Variants in SCAPER observed in about 807,000 individuals in gnomAD.
The protein encoded by SCAPER is S phase cyclin A-associated protein in the endoplasmic reticulum.
SCAPER carries 98 observed loss-of-function variants against 182.2 expected under a neutral mutation model. The ratio of observed to expected loss-of-function variants is 0.54; its 90% CI spans 0.46 to 0.64. The LOEUF is 0.64. Among genes scored for constraint, SCAPER ranks in the 30% least tolerant of loss-of-function variants. The pLI, the probability that SCAPER is intolerant of heterozygous loss-of-function variation, is 0.00. For synonymous variants in SCAPER, 605 were observed against 564.6 expected (o/e 1.07, Z -1.01); for missense variants, 1,432 against 1,690.0 (o/e 0.85, Z 2.68).
intron 26 of SCAPER, 34 bp from the exon 27 acceptor site, chr15:76,404,713 T>G: frequency 6.3e-7 from 1 of 1,591,442 alleles, no homozygotes; most frequent in South Asian, 1.1e-5. Context: ...GTTATCAATC[T>G]GAATAGGCCA....
chr15:76,727,910 A>T (rs1236055594), intron 17 of SCAPER, among the ~76,000 whole-genome samples: 5 of 152,042 alleles, frequency 3.3e-5, no homozygotes, highest in Admixed American at 1.3e-4. Context: ...CACTTTGCAT[A>T]AAAAAACCCT....
At chr15:76,604,045 A>C (rs1303951613) in intron 22 of SCAPER, among the ~76,000 whole-genome samples, 2 of 119,832 alleles carry the variant, frequency 1.7e-5, no homozygotes, top group African/African-American at 5.1e-5. Flanking sequence ...CCCATTTGTC[A>C]ATTTTGGCTT....
intron 21 of SCAPER, among the ~76,000 whole-genome samples, chr15:76,639,191 G>A (rs1047995907): frequency 3.9e-5 from 6 of 152,152 alleles, no homozygotes; most frequent in African/African-American, 1.4e-4. Flanking sequence ...AATTAATATG[G>A]AAGGACTGTG....
chr15:76,650,058 G>A (rs2054889633), intron 21 of SCAPER, among the ~76,000 whole-genome samples: 1 of 152,218 alleles, frequency 6.6e-6, no homozygotes, highest in Admixed American at 6.5e-5. Context: ...AAAGGCAGAG[G>A]AAAGGAAGAT....
chr15:76,505,090 A>C (rs2041460127), intron 23 of SCAPER, 116 bp from the exon 24 acceptor site: 1 of 753,496 alleles, frequency 1.3e-6, no homozygotes, highest in Non-Finnish European at 2.2e-6. Flanking sequence ...ATATTATTTT[A>C]TAAATATTTG....
intron 21 of SCAPER, among the ~76,000 whole-genome samples, chr15:76,634,316 G>A (rs1045906128): frequency 3.9e-5 from 6 of 152,034 alleles, no homozygotes; most frequent in South Asian, 4.1e-4. Flanking sequence ...CAACTGCCTC[G>A]TCAGTCCCAA....
At chr15:76,494,204 C>T (rs1426385552) in intron 24 of SCAPER, among the ~76,000 whole-genome samples, 2 of 152,188 alleles carry the variant, frequency 1.3e-5, no homozygotes, top group African/African-American at 4.8e-5. Flanking sequence ...GATAAGTTCA[C>T]TCCACATTTG....
At chr15:76,725,619 A>G (rs1160772140) in intron 17 of SCAPER, among the ~76,000 whole-genome samples, 1 of 152,176 alleles carries the variant, frequency 6.6e-6, no homozygotes, top group Non-Finnish European at 1.5e-5. Flanking sequence ...TAATCAAAAC[A>G]GTATGGACTA....
chr15:76,431,664 GAAAATGATTAGCAAAAAAAAAAAAAAA>G (rs951019922), intron 26 of SCAPER, among the ~76,000 whole-genome samples: 11 of 37,974 alleles, frequency 2.9e-4, no homozygotes, highest in African/African-American at 1.6e-3. Context: ...AGGCAAGTAT[GAAAATGATTAGCAAAAAAAAAAAAAAA>G]AAAAAAAAAA....
intron 24 of SCAPER, among the ~76,000 whole-genome samples, chr15:76,494,632 T>C (rs1373363963): frequency 6.6e-6 from 1 of 152,096 alleles, no homozygotes; most frequent in Non-Finnish European, 1.5e-5. Flanking sequence ...AACACTAACT[T>C]TGTAAGAGAT....
chr15:76,611,565 T>G (rs1011110719), intron 22 of SCAPER, among the ~76,000 whole-genome samples: 6 of 152,158 alleles, frequency 3.9e-5, no homozygotes, highest in African/African-American at 1.4e-4. Context: ...GGACTCCACC[T>G]TAACAGATCC....
At chr15:76,658,491 C>A (rs1272974180) in intron 21 of SCAPER, among the ~76,000 whole-genome samples, 2 of 152,124 alleles carry the variant, frequency 1.3e-5, no homozygotes, top group Middle Eastern at 3.4e-3. Context: ...CTGCTCAAAG[C>A]AATTTATAGA....
chr15:76,714,263 A>G (rs570939338), intron 17 of SCAPER, among the ~76,000 whole-genome samples: 1 of 152,300 alleles, frequency 6.6e-6, no homozygotes, highest in East Asian at 1.9e-4. Context: ...TAGTTTCACA[A>G]TGGTTACATA....
chr15:76,562,152 A>AAAAT (rs1360115628), intron 23 of SCAPER, among the ~76,000 whole-genome samples: 1 of 148,092 alleles, frequency 6.8e-6, no homozygotes, highest in Admixed American at 6.6e-5. Flanking sequence ...TCATCTCAAA[A>AAAAT]AAAAAAAAAA....
At chr15:76,515,088 T>A (rs1175940454) in intron 23 of SCAPER, among the ~76,000 whole-genome samples, 2 of 152,200 alleles carry the variant, frequency 1.3e-5, no homozygotes, top group African/African-American at 2.4e-5. Flanking sequence ...AGTAAAATTA[T>A]AAGCTACAGT....
At chr15:76,763,225 A>C (rs1282718245) in intron 14 of SCAPER, among the ~76,000 whole-genome samples, 2 of 151,848 alleles carry the variant, frequency 1.3e-5, no homozygotes, top group Non-Finnish European at 2.9e-5. Flanking sequence ...ATAGCTTTCC[A>C]GGGTATAGTA....
intron 26 of SCAPER, among the ~76,000 whole-genome samples, chr15:76,427,827 A>G (rs2046545127): frequency 6.6e-6 from 1 of 152,036 alleles, no homozygotes; most frequent in South Asian, 2.1e-4. Context: ...CAGCTATTCA[A>G]GAGCCTGAGG....
Position 76,354,245 on chromosome 15 carries a change from G to A in SCAPER, c.3856-105C>T. 1.9e-6 allele frequency: 2 copies of A among 1,044,384 alleles called. No individual in the cohort carries two copies. Among genetic ancestry groups the A allele is most frequent in the Non-Finnish European group, 1.3e-6 (1 of 748,524 alleles). 64.7% of individuals were successfully genotyped at this position (1,044,384 alleles called of 1,614,324 possible). A position where few individuals can be genotyped will look rare whatever the true frequency, so the allele number is the denominator to read the frequency against. On this transcript the variant is annotated intron_variant, in intron 29 of 31. Transcript: ENST00000563290. The surrounding 1 kb of genome is among the most constrained non-coding windows in gnomAD (Gnocchi z 4.4). ...ACCATGGAAAACATGCTGAAGGAGT[G>A]TAAAGAAAAAGACTCCTGACTCCGT...
chr15:76,866,733 G>A (rs1271067542), intron 2 of SCAPER, among the ~76,000 whole-genome samples: 1 of 152,070 alleles, frequency 6.6e-6, no homozygotes, highest in Admixed American at 6.6e-5. Context: ...CAGTAGTAAT[G>A]TAAATAAAAT....
Sources: allele counts gnomAD v4.1 joint callset (sites outside exome capture counted in the v4.1 genomes callset), GRCh38; gene constraint gnomAD v4.1.1; non-coding constraint Gnocchi (gnomAD v3.1); transcripts MANE v1.5; gene names NCBI Gene and HGNC (gene_info 2026-07-23, HGNC 2026-07-21).